The following MINK1 variants were observed in gnomAD, a reference collection of about 807,000 sequenced individuals.
MINK1 encodes the protein misshapen like kinase 1.
Under a neutral mutation model 178.4 loss-of-function variants are expected in MINK1, and 46 were observed. The observed-to-expected ratio is 0.26, with a 90% CI of 0.20 to 0.33. The LOEUF is 0.33. Ranked by LOEUF, MINK1 falls within the 10% of genes least tolerant of loss-of-function variation. The pLI, the probability that MINK1 is intolerant of heterozygous loss-of-function variation, is 1.00. For missense variants in MINK1, 1,366 were observed against 1,814.9 expected (o/e 0.75, Z 4.49); for synonymous variants, 797 against 709.7 (o/e 1.12, Z -1.96).
chr17:4,883,999 A>C (rs914382803), intron 4 of MINK1, among the ~76,000 whole-genome samples: 3 of 149,896 alleles, frequency 2.0e-5, no homozygotes, highest in Non-Finnish European at 4.4e-5. Flanking sequence ...CCACCCTGCC[A>C]GTTCTTTTCC....
chr17:4,863,871 C>A (rs1003088905), intron 1 of MINK1, among the ~76,000 whole-genome samples: 2 of 152,082 alleles, frequency 1.3e-5, no homozygotes, highest in African/African-American at 2.4e-5. Context: ...CTCACTGCAA[C>A]CTTCGCCTCC....
At chr17:4,849,051 A>G (rs1911508733) in intron 1 of MINK1, among the ~76,000 whole-genome samples, 1 of 152,268 alleles carries the variant, frequency 6.6e-6, no homozygotes, top group South Asian at 2.1e-4. Flanking sequence ...TATTGATTTT[A>G]AGGTAAATGG....
chr17:4,896,492 C>T lies in MINK1; in HGVS notation c.3679C>T (p.Leu1227=), dbSNP rs745574438. 1 of 1,613,944 alleles carries T rather than the reference C, an allele frequency of 6.2e-7. No individual in the cohort carries two copies. Residue 1227 remains leucine (L), a synonymous_variant, in exon 30 of 32, where the codon CTG becomes TTG. Coordinates refer to ENST00000355280, the MANE Select transcript of MINK1 (RefSeq NM_153827.5). This position sits in a 1 kb window ranked among gnomAD's most constrained non-coding sequence, Gnocchi z 4.6. ...CCCCAACACCGACGGCATGGAGATG[C>T]TGCTGTGCTACGAGGACGAGGGTGT... ...FLPNTDGMEM[L]LCYEDEGVYV...
intron 21 of MINK1, 146 bp downstream of exon 21, chr17:4,893,743 C>T (rs1407421972): frequency 8.3e-7 from 1 of 1,205,622 alleles, no homozygotes; most frequent in Non-Finnish European, 1.1e-6. Context: ...AGGTTCCTGT[C>T]TCTCTCCCGC....
At chr17:4,858,809 G>A (rs1036538513) in intron 1 of MINK1, among the ~76,000 whole-genome samples, 1 of 152,156 alleles carries the variant, frequency 6.6e-6, no homozygotes, top group African/African-American at 2.4e-5. Flanking sequence ...CTTTCTGGCT[G>A]CTGTATAGTC....
Position 4,894,762 on chromosome 17 carries a change from G to C in MINK1, c.2917+129G>C. On this transcript the variant is annotated intron_variant, in intron 24 of 31. Coordinates refer to ENST00000355280, the MANE Select transcript of MINK1 (RefSeq NM_153827.5). The surrounding 1 kb of genome is among the most constrained non-coding windows in gnomAD (Gnocchi z 4.1). The stretch of plus-strand genomic sequence containing the variant: ...ACCTCTCCCTTGGGCCCTAGCACCT[G>C]CCTGGGCACAGAGGCAAGGAAGAGC... 1 of 745,198 alleles carries C rather than the reference G, an allele frequency of 1.3e-6. No individual in the cohort carries two copies. The highest frequency in any genetic ancestry group is 2.3e-6 in the Non-Finnish European group (1 of 444,006). The allele number at this position is 745,198 out of a possible 1,614,324, so 46.2% of individuals were successfully genotyped here. A position where few individuals can be genotyped will look rare whatever the true frequency, so the allele number is the denominator to read the frequency against.
Position 4,846,000 on chromosome 17 carries a change from C to T in MINK1, c.57+12360C>T, listed in dbSNP as rs145721373. Among the ~76,000 whole-genome samples, 8 of 152,326 alleles carry T rather than the reference C, an allele frequency of 5.3e-5. No homozygotes were observed. The East Asian group carries it at 1.5e-3, about 29-fold the overall frequency. On this transcript the variant is annotated intron_variant, in intron 1 of 31. Transcript: ENST00000355280. ...TGGCCTCCCTGGCCTCCTCACTTTCCCTCATCCTTGCTATTTACAGTTTCT... is the reference window on the plus strand; with the variant it reads ...TGGCCTCCCTGGCCTCCTCACTTTCTCTCATCCTTGCTATTTACAGTTTCT...
At chr17:4,859,427 C>A in intron 1 of MINK1, 1 of 572,732 alleles carries the variant, frequency 1.7e-6, no homozygotes, top group Non-Finnish European at 2.2e-6. Flanking sequence ...GATGTTAATT[C>A]TGTTCTCTCT....
Position 4,895,850 on chromosome 17 carries a change from G to C in MINK1, c.3364+18G>C. 1 of 1,612,206 alleles carries C rather than the reference G, an allele frequency of 6.2e-7. No individual in the cohort carries two copies. Among genetic ancestry groups the C allele is most frequent in the Admixed American group, 1.7e-5 (1 of 59,776 alleles). On this transcript the variant is annotated intron_variant, in intron 27 of 31. Coordinates refer to ENST00000355280, the MANE Select transcript of MINK1 (RefSeq NM_153827.5). This position sits in a 1 kb window ranked among gnomAD's most constrained non-coding sequence, Gnocchi z 4.3. Reference sequence around the variant, plus strand: ...CCGTGTTGGTGAGGATGTCCCAACAGAGTGGCCAGCGCATACTTGTTCATG... The same window carrying C: ...CCGTGTTGGTGAGGATGTCCCAACACAGTGGCCAGCGCATACTTGTTCATG...
Position 4,836,750 on chromosome 17 carries a change from T to G in MINK1, c.57+3110T>G, listed in dbSNP as rs1909360639. On this transcript the variant is annotated intron_variant, in intron 1 of 31. Coordinates refer to ENST00000355280, the MANE Select transcript of MINK1 (RefSeq NM_153827.5). This position sits in a 1 kb window ranked among gnomAD's most constrained non-coding sequence, Gnocchi z 4.3. ...ATCAGAGAAGCCTTCCAGGACAACTTTATCTAAAATAGCACTCCCTCCTCT... is the reference window on the plus strand; with the variant it reads ...ATCAGAGAAGCCTTCCAGGACAACTGTATCTAAAATAGCACTCCCTCCTCT... 6.6e-6 allele frequency among the ~76,000 whole-genome samples: 1 copy of G among 152,194 alleles called. No homozygotes were observed. The highest frequency in any genetic ancestry group is 2.4e-5 in the African/African-American group (1 of 41,442).
At chr17:4,890,869 G>T in intron 14 of MINK1, 82 bp from the exon 15 acceptor site, 1 of 1,535,748 alleles carries the variant, frequency 6.5e-7, no homozygotes, top group South Asian at 1.2e-5. Context: ...CATAGGGCGG[G>T]AGTAGTTAGG....
rs1347305658 is a variant in MINK1 at position 4,897,267 on chromosome 17, A to C, written c.3979A>C (p.Asn1327His). 1 of 1,613,642 alleles carries C rather than the reference A, an allele frequency of 6.2e-7. No homozygotes were observed. The change falls in exon 32 of 32, where the codon AAC becomes CAC. Residue 1327 changes from asparagine to histidine, a missense_variant. Asn to His is a moderately conservative substitution (Grantham distance 68, BLOSUM62 1). Transcript: ENST00000355280. ...SQVYFMTLNR[N>H]CIMNW ...AGTTTACTTCATGACTCTGAACCGT[A>C]ACTGCATCATGAACTGGTGACGGGG...
At position 4,896,592 on chromosome 17, in the gene MINK1, A is replaced by C; in HGVS notation, c.3775+4A>C. 6.2e-7 allele frequency: 1 copy of C among 1,613,652 alleles called. No homozygotes were observed. The highest frequency in any genetic ancestry group is 2.2e-5 in the East Asian group (1 of 44,836). On this transcript the variant is annotated splice_donor_region_variant and intron_variant, in intron 30 of 31. Transcript: ENST00000355280. This position sits in a 1 kb window ranked among gnomAD's most constrained non-coding sequence, Gnocchi z 4.6. ...GGGGAGATGCCTACTTCTGTGGGTG[A>C]GTGAGCTGCCGCCCTCCCAGCCACA...
At chr17:4,876,766 A>C (rs1171402178) in intron 1 of MINK1, among the ~76,000 whole-genome samples, 1 of 152,034 alleles carries the variant, frequency 6.6e-6, no homozygotes, top group Admixed American at 6.6e-5. Flanking sequence ...GGACGGGCCC[A>C]CCCAGTGAAA....
chr17:4,892,009 G>A (rs1567616541), intron 16 of MINK1, 140 bp from the exon 17 acceptor site: 1 of 799,224 alleles, frequency 1.3e-6, no homozygotes, highest in Non-Finnish European at 2.0e-6. Flanking sequence ...TCATAACCCT[G>A]GACGTATTCA....
chr17:4,862,684 G>A (rs1914359091), intron 1 of MINK1, among the ~76,000 whole-genome samples: 1 of 151,520 alleles, frequency 6.6e-6, no homozygotes, highest in Non-Finnish European at 1.5e-5. Flanking sequence ...TAGTTGGTGT[G>A]TGTAAAACAC....
Position 4,878,309 on chromosome 17 carries a change from G to A in MINK1, c.58-8G>A. The A allele has an allele frequency of 6.5e-7, 1 of 1,536,716 alleles. No homozygotes were observed. Among genetic ancestry groups the A allele is most frequent in the Non-Finnish European group, 8.7e-7 (1 of 1,146,434 alleles). ...TTGACACAGTATTCTTCTGTCTCCTGCCCCTAGGACCCTGCTGGGATCTTT... is the reference window on the plus strand; with the variant it reads ...TTGACACAGTATTCTTCTGTCTCCTACCCCTAGGACCCTGCTGGGATCTTT... On this transcript the variant is annotated splice_polypyrimidine_tract_variant and splice_region_variant and intron_variant, in intron 1 of 31. Transcript: ENST00000355280.
intron 2 of MINK1, among the ~76,000 whole-genome samples, chr17:4,879,418 C>T (rs1259993997): frequency 1.3e-5 from 2 of 152,244 alleles, no homozygotes; most frequent in Non-Finnish European, 2.9e-5. Flanking sequence ...GCTGAGACCA[C>T]CTGCCTTTCT....
intron 19 of MINK1, 103 bp downstream of exon 19, chr17:4,892,871 G>A (rs1423765739): frequency 2.9e-6 from 4 of 1,371,674 alleles, no homozygotes; most frequent in African/African-American, 2.9e-5. Context: ...CGGACAGGGA[G>A]GACCTGTGTG....
Sources: allele counts gnomAD v4.1 joint callset (sites outside exome capture counted in the v4.1 genomes callset), GRCh38; gene constraint gnomAD v4.1.1; non-coding constraint Gnocchi (gnomAD v3.1); transcripts MANE v1.5; gene names NCBI Gene and HGNC (gene_info 2026-07-23, HGNC 2026-07-21).